Variants in SPATA13 observed in about 807,000 individuals in gnomAD.
SPATA13 encodes spermatogenesis associated 13, also known as spermatogenesis-associated protein 13.
In SPATA13, 50 loss-of-function variants were observed where a neutral mutation model predicts 104.0. That is an observed-to-expected ratio of 0.48 (90% CI 0.38 to 0.61). The LOEUF is 0.61. Among genes scored for constraint, SPATA13 ranks in the 20% least tolerant of loss-of-function variants. SPATA13 has a pLI of 0.00. For synonymous variants in SPATA13, 606 were observed against 667.5 expected (o/e 0.91, Z 1.42); for missense variants, 1,524 against 1,690.6 (o/e 0.90, Z 1.73).
At chr13:24,116,455 C>T (rs893193865) in intron 3 of SPATA13, among the ~76,000 whole-genome samples, 4 of 152,234 alleles carry the variant, frequency 2.6e-5, no homozygotes, top group Admixed American at 6.5e-5. Context: ...AGGTGGGGAT[C>T]GTGGGGGCAT....
intron 11 of SPATA13, 100 bp downstream of exon 11, chr13:24,297,835 G>C: frequency 7.2e-7 from 1 of 1,392,490 alleles, no homozygotes; most frequent in East Asian, 2.4e-5. Flanking sequence ...TTCTCCCTCA[G>C]AGCTGAATCC....
At chr13:24,144,338 C>T (rs780086419) in intron 3 of SPATA13, among the ~76,000 whole-genome samples, 6 of 152,168 alleles carry the variant, frequency 3.9e-5, no homozygotes, top group Non-Finnish European at 7.4e-5. Flanking sequence ...CTTCCCACAT[C>T]AAGATGGATA....
intron 2 of SPATA13, among the ~76,000 whole-genome samples, chr13:24,245,898 G>C (rs1301267251): frequency 6.6e-6 from 1 of 152,022 alleles, no homozygotes; most frequent in African/African-American, 2.4e-5. Flanking sequence ...CCAACAGTTG[G>C]TTTTGTGTGC....
intron 3 of SPATA13, among the ~76,000 whole-genome samples, chr13:24,043,304 TGTG>T (rs1878000957): frequency 7.5e-6 from 1 of 133,000 alleles, no homozygotes; most frequent in Admixed American, 7.5e-5. Context: ...CAGGTACTTA[TGTG>T]GTGGATGCTA....
chr13:24,042,148 G>C (rs547540310), intron 3 of SPATA13, among the ~76,000 whole-genome samples: 8 of 145,894 alleles, frequency 5.5e-5, no homozygotes, highest in Non-Finnish European at 1.2e-4. Flanking sequence ...TCACGGGAGC[G>C]TTGGCTATGA....
chr13:24,260,164 G>T (rs1873988842), intron 4 of SPATA13, among the ~76,000 whole-genome samples: 1 of 152,318 alleles, frequency 6.6e-6, no homozygotes, highest in Middle Eastern at 3.4e-3. Flanking sequence ...ATGTCAGTCG[G>T]ATCTGGGCTG....
At position 24,224,596 on chromosome 13, in the gene SPATA13, C is replaced by T. The variant is rs757848524; in HGVS notation, c.1653+14C>T. The T allele has an allele frequency of 2.7e-5, 42 of 1,537,024 alleles. No individual in the cohort carries two copies. Among genetic ancestry groups the T allele is most frequent in the African/African-American group, 4.1e-5 (3 of 73,164 alleles). On this transcript the variant is annotated intron_variant, in intron 2 of 12. Coordinates refer to ENST00000382108, the MANE Select transcript of SPATA13 (RefSeq NM_001166271.3). ...GAGAAGGAGGAGGTAAGGGCAGCGGCGAGGTCCCTCATGTGGGCGACCCTC... is the reference window on the plus strand; with the variant it reads ...GAGAAGGAGGAGGTAAGGGCAGCGGTGAGGTCCCTCATGTGGGCGACCCTC...
intron 3 of SPATA13, among the ~76,000 whole-genome samples, chr13:24,070,357 C>T (rs1879114621): frequency 6.6e-6 from 1 of 152,160 alleles, no homozygotes; most frequent in Non-Finnish European, 1.5e-5. Flanking sequence ...GCCCCCCTAC[C>T]ATATGCTCAC....
chr13:24,303,130 C>T lies in SPATA13; in HGVS notation c.*357C>T. The T allele has an allele frequency of 2.7e-6, 1 of 375,326 alleles. No homozygotes were observed. The highest frequency in any genetic ancestry group is 5.2e-6 in the Non-Finnish European group (1 of 193,010). 23.2% of individuals were successfully genotyped at this position (375,326 alleles called of 1,614,324 possible). ...GTGCCTGCTGCAGGTCCAAACACAG[C>T]ATCCAGGGCTTTGCAGTTCCTAAGG... On this transcript the variant is annotated 3_prime_UTR_variant, in exon 13 of 13. Coordinates refer to ENST00000382108, the MANE Select transcript of SPATA13 (RefSeq NM_001166271.3).
At chr13:24,039,819 T>A (rs1313061155) in intron 3 of SPATA13, among the ~76,000 whole-genome samples, 1 of 152,182 alleles carries the variant, frequency 6.6e-6, no homozygotes, top group Non-Finnish European at 1.5e-5. Flanking sequence ...CTATCAATGC[T>A]GTCATAATGA....
intron 4 of SPATA13, among the ~76,000 whole-genome samples, chr13:24,255,451 G>T (rs980759564): frequency 2.0e-5 from 3 of 151,994 alleles, no homozygotes; most frequent in Admixed American, 2.0e-4. Flanking sequence ...TGTTCCTGGG[G>T]ACCCCGAGAT....
intron 2 of SPATA13, chr13:23,984,059 C>A: frequency 2.1e-6 from 1 of 470,564 alleles, no homozygotes; most frequent in Non-Finnish European, 2.8e-6. Context: ...TTCACTGAGG[C>A]ATTGAGCAAC....
At chr13:24,121,095 C>CT (rs368127756) in intron 3 of SPATA13, among the ~76,000 whole-genome samples, 7 of 152,244 alleles carry the variant, frequency 4.6e-5, no homozygotes, top group African/African-American at 1.7e-4. Context: ...TAGATCAACT[C>CT]TTAAGAGTAG....
intron 3 of SPATA13, among the ~76,000 whole-genome samples, chr13:24,118,478 T>C (rs1217155101): frequency 1.3e-5 from 2 of 152,160 alleles, no homozygotes; most frequent in African/African-American, 4.8e-5. Flanking sequence ...TGTAGAATCA[T>C]TACAAAGCAC....
chr13:24,050,427 A>G (rs1381575855), intron 3 of SPATA13, among the ~76,000 whole-genome samples: 1 of 152,156 alleles, frequency 6.6e-6, no homozygotes, highest in East Asian at 1.9e-4. Context: ...GAGAGCATCA[A>G]CACAAAACAA....
intron 1 of SPATA13, among the ~76,000 whole-genome samples, chr13:24,175,005 G>A (rs1038279291): frequency 1.6e-4 from 25 of 152,020 alleles, no homozygotes; most frequent in Non-Finnish European, 3.2e-4. Flanking sequence ...ATTCCATTAC[G>A]GTTAGAGAAC....
chr13:24,177,957 A>G (rs1033071526), intron 1 of SPATA13, among the ~76,000 whole-genome samples: 3 of 152,048 alleles, frequency 2.0e-5, no homozygotes, highest in African/African-American at 7.3e-5. Flanking sequence ...CCTGGGCCCA[A>G]GAGATCCTCC....
At chr13:24,083,903 T>C (rs999187464) in intron 3 of SPATA13, among the ~76,000 whole-genome samples, 1 of 152,238 alleles carries the variant, frequency 6.6e-6, no homozygotes, top group African/African-American at 2.4e-5. Flanking sequence ...TCTGACATTT[T>C]CCTTACAGCA....
At chr13:24,062,281 A>G (rs1049126346) in intron 3 of SPATA13, among the ~76,000 whole-genome samples, 1 of 152,252 alleles carries the variant, frequency 6.6e-6, no homozygotes, top group Non-Finnish European at 1.5e-5. Context: ...CTGTTGGCGG[A>G]GCACAATGCA....
Sources: allele counts gnomAD v4.1 joint callset (sites outside exome capture counted in the v4.1 genomes callset), GRCh38; gene constraint gnomAD v4.1.1; transcripts MANE v1.5; gene names NCBI Gene and HGNC (gene_info 2026-07-23, HGNC 2026-07-21).